Variants in XRCC4 observed in about 807,000 individuals in gnomAD.
XRCC4 encodes X-ray repair cross complementing 4.
In XRCC4, 28 loss-of-function variants were observed where a neutral mutation model predicts 39.1. The observed-to-expected ratio is 0.72, with a 90% CI of 0.53 to 0.98. The LOEUF (loss-of-function observed/expected upper bound fraction) is 0.98, where lower values mean the gene tolerates loss of function less well. Among genes scored for constraint, XRCC4 ranks in the 50% least tolerant of loss-of-function variants. The pLI is 0.00. For synonymous variants in XRCC4, 123 were observed against 126.4 expected (o/e 0.97, Z 0.18); for missense variants, 350 against 376.4 (o/e 0.93, Z 0.58).
chr5:83,260,814 G>A (rs1753721653), intron 7 of XRCC4, among the ~76,000 whole-genome samples: 1 of 151,976 alleles, frequency 6.6e-6, no homozygotes, highest in Non-Finnish European at 1.5e-5. Flanking sequence ...AGTTGACAAA[G>A]TTGATGTAAA....
intron 6 of XRCC4, among the ~76,000 whole-genome samples, chr5:83,210,932 T>A (rs1050275956): frequency 6.6e-6 from 1 of 152,198 alleles, no homozygotes; most frequent in African/African-American, 2.4e-5. Context: ...AAAATATAAC[T>A]TTGATATGAC....
intron 3 of XRCC4, among the ~76,000 whole-genome samples, chr5:83,125,785 C>G (rs1015332802): frequency 8.5e-5 from 13 of 152,054 alleles, no homozygotes; most frequent in African/African-American, 2.9e-4. Context: ...GAGTTCACAA[C>G]CAGTCTGAAT....
intron 3 of XRCC4, among the ~76,000 whole-genome samples, chr5:83,182,166 C>T: frequency 6.6e-6 from 1 of 152,190 alleles, no homozygotes; most frequent in East Asian, 1.9e-4. Context: ...AGAATAGTTG[C>T]TGTGGCCTGA....
At chr5:83,312,912 T>C (rs1004060958) in intron 7 of XRCC4, among the ~76,000 whole-genome samples, 2 of 152,148 alleles carry the variant, frequency 1.3e-5, no homozygotes, top group Non-Finnish European at 2.9e-5. Context: ...GTAAAGTCAT[T>C]GGACTAGGCT....
intron 7 of XRCC4, among the ~76,000 whole-genome samples, chr5:83,325,857 G>A (rs1465002509): frequency 7.2e-5 from 11 of 152,040 alleles, no homozygotes; most frequent in Non-Finnish European, 1.2e-4. Context: ...TGGTATTTCC[G>A]GTTCTAGGTC....
intron 7 of XRCC4, among the ~76,000 whole-genome samples, chr5:83,340,959 T>A (rs1305155524): frequency 6.6e-6 from 1 of 152,148 alleles, no homozygotes. Context: ...CTTTTTTGTG[T>A]ATTTCTGTTT....
chr5:83,110,259 G>T (rs1746381444), intron 2 of XRCC4, among the ~76,000 whole-genome samples: 1 of 151,854 alleles, frequency 6.6e-6, no homozygotes, highest in East Asian at 1.9e-4. Flanking sequence ...TACCCCAGGA[G>T]CCACACATAA....
intron 7 of XRCC4, among the ~76,000 whole-genome samples, chr5:83,281,352 A>C (rs1269726788): frequency 1.3e-5 from 2 of 152,184 alleles, no homozygotes; most frequent in African/African-American, 4.8e-5. Context: ...AGTTCTCAAG[A>C]TAAAGTTCAA....
At position 83,105,066 on chromosome 5, in the gene XRCC4, T is replaced by G; in HGVS notation, c.139+8T>G. On this transcript the variant is annotated splice_region_variant and intron_variant, in intron 2 of 7. Transcript: ENST00000396027. ...CAGCATGGACTGGGACAGGTAATAC[T>G]AAAAACAAAGTTTTTATAAGTAAAA... 1 of 1,595,028 alleles carries G rather than the reference T, an allele frequency of 6.3e-7. No homozygotes were observed. The highest frequency in any genetic ancestry group is 8.5e-7 in the Non-Finnish European group (1 of 1,173,992).
chr5:83,351,323 G>A (rs1213999341), intron 7 of XRCC4, among the ~76,000 whole-genome samples: 8 of 152,134 alleles, frequency 5.3e-5, no homozygotes, highest in Admixed American at 1.3e-4. Context: ...CTAATACATA[G>A]GGGCACAGTT....
chr5:83,301,373 CT>C (rs1755279002), intron 7 of XRCC4, among the ~76,000 whole-genome samples: 1 of 152,146 alleles, frequency 6.6e-6, no homozygotes, highest in African/African-American at 2.4e-5. Context: ...ATATAAATGT[CT>C]TCTTTTGAGA....
chr5:83,333,663 AG>A (rs574795886), intron 7 of XRCC4, among the ~76,000 whole-genome samples: 110 of 152,198 alleles, frequency 7.2e-4, no homozygotes, highest in Non-Finnish European at 1.4e-3. Flanking sequence ...CTGGCAAGGA[AG>A]GGGGACAGTG....
chr5:83,286,915 T>G (rs1024838526), intron 7 of XRCC4, among the ~76,000 whole-genome samples: 1 of 152,032 alleles, frequency 6.6e-6, no homozygotes, highest in African/African-American at 2.4e-5. Context: ...ATCTAAACAA[T>G]GTGAACGAGG....
chr5:83,203,624 T>G lies in XRCC4; in HGVS notation c.555T>G (p.Asn185Lys), dbSNP rs1751299559. 4 of 1,612,238 alleles carry G rather than the reference T, an allele frequency of 2.5e-6. No individual in the cohort carries two copies. The South Asian group carries it at 3.3e-5, about 13-fold the overall frequency. Reference sequence around the variant, plus strand: ...ATAAGCGGTTTATTCTGGTGTTGAATGAGAAGAAAACAAAAATCAGAAGTT... The same window carrying G: ...ATAAGCGGTTTATTCTGGTGTTGAAGGAGAAGAAAACAAAAATCAGAAGTT... ...DLYKRFILVL[N>K]EKKTKIRSLH... is the part of the protein sequence containing the mutation. Residue 185 changes from asparagine to lysine, a missense_variant, in exon 5 of 8, where the codon AAT (asparagine) becomes AAG (lysine). By Grantham distance (94) the Asn-to-Lys change is moderately conservative (BLOSUM62 0). Coordinates refer to ENST00000396027, the MANE Select transcript of XRCC4 (RefSeq NM_003401.5).
intron 3 of XRCC4, among the ~76,000 whole-genome samples, chr5:83,146,313 C>T (rs368530171): frequency 6.6e-6 from 1 of 152,210 alleles, no homozygotes; most frequent in African/African-American, 2.4e-5. Context: ...TTTCTCTGAG[C>T]TATTTCAAAC....
At chr5:83,144,137 G>A (rs1037986058) in intron 3 of XRCC4, among the ~76,000 whole-genome samples, 3 of 151,550 alleles carry the variant, frequency 2.0e-5, no homozygotes, top group Non-Finnish European at 4.4e-5. Context: ...GCTCCCACTT[G>A]TAAGTGAGAA....
chr5:83,340,035 G>A (rs144947754), intron 7 of XRCC4, among the ~76,000 whole-genome samples: 618 of 152,226 alleles, frequency 4.1e-3, no homozygotes, highest in Middle Eastern at 0.01. Context: ...CTGTCTCAAT[G>A]ATTCTAGTTC....
chr5:83,266,791 T>G (rs2112919374), intron 7 of XRCC4, among the ~76,000 whole-genome samples: 1 of 152,270 alleles, frequency 6.6e-6, no homozygotes, highest in Non-Finnish European at 1.5e-5. Context: ...ATTTTTGTAG[T>G]AAATGAAGAT....
chr5:83,270,783 A>T (rs1561445993), intron 7 of XRCC4, among the ~76,000 whole-genome samples: 3 of 68,650 alleles, frequency 4.4e-5, no homozygotes, highest in Non-Finnish European at 4.8e-5. Flanking sequence ...ATACATATAT[A>T]TATGTATATA....
Sources: gnomAD v4.1 joint callset for allele counts (sites outside exome capture counted in the v4.1 genomes callset) on GRCh38, gnomAD v4.1.1 for gene constraint, MANE v1.5 for transcripts, NCBI Gene and HGNC (gene_info 2026-07-23, HGNC 2026-07-21) for gene names.